Variants in ZNF652 observed in about 807,000 individuals in gnomAD.
ZNF652 encodes zinc finger protein 652.
In ZNF652, 16 loss-of-function variants were observed where a neutral mutation model predicts 45.2. The observed-to-expected ratio is 0.35, with a 90% CI of 0.24 to 0.54. ZNF652 has a LOEUF of 0.54. Among genes scored for constraint, ZNF652 ranks in the 20% least tolerant of loss-of-function variants. The pLI, the probability that ZNF652 is intolerant of heterozygous loss-of-function variation, is 0.91. For missense variants in ZNF652, 614 were observed against 765.6 expected, an observed-to-expected ratio of 0.80 and a Z score of 2.34; for synonymous variants, 250 against 260.6, an observed-to-expected ratio of 0.96 and a Z score of 0.39.
At chr17:49,344,372 A>T (rs1400437615) in intron 1 of ZNF652, among the ~76,000 whole-genome samples, 1 of 151,826 alleles carries the variant, frequency 6.6e-6, no homozygotes, top group African/African-American at 2.4e-5. Context: ...CTCAAAAAAC[A>T]AGAAAAAAAA....
In ZNF652 at chr17:49,295,049, T is replaced by G. The variant is rs2069453337; in HGVS notation, c.*3364A>C. ...GCATGTTAAACGTGTTGCACATATA[T>G]GTTTAAGGCTTAATCCTGCAGTTCT... On this transcript the variant is annotated 3_prime_UTR_variant, in exon 6 of 6. Coordinates refer to ENST00000430262, the MANE Select transcript of ZNF652 (RefSeq NM_001145365.3). 6.6e-6 allele frequency: 1 copy of G among 152,190 alleles called. No homozygotes were observed. Among genetic ancestry groups the G allele is most frequent in the Admixed American group, 6.5e-5 (1 of 15,282 alleles). The allele number at this position is 152,190 out of a possible 1,614,324, so 9.4% of individuals were successfully genotyped here.
chr17:49,336,670 A>C (rs2070085594), intron 1 of ZNF652, among the ~76,000 whole-genome samples: 1 of 147,736 alleles, frequency 6.8e-6, no homozygotes, highest in Non-Finnish European at 1.5e-5. Flanking sequence ...TCTGTCACCC[A>C]GGCTGGAGTA....
intron 1 of ZNF652, among the ~76,000 whole-genome samples, chr17:49,351,006 TATATATATACACACAC>T (rs2070271108): frequency 9.4e-5 from 2 of 21,290 alleles, no homozygotes; most frequent in Non-Finnish European, 1.8e-4. Context: ...TATATATATA[TATATATATACACACAC>T]ACACACACAC....
intron 1 of ZNF652, among the ~76,000 whole-genome samples, chr17:49,327,976 T>G (rs73324308): frequency 0.073 from 11,085 of 151,574 alleles, 472 homozygotes; most frequent in Middle Eastern, 0.14. Context: ...GAAACCAGAC[T>G]GCCTGCATTA....
chr17:49,344,231 G>A (rs117853079), intron 1 of ZNF652, among the ~76,000 whole-genome samples: 1 of 151,584 alleles, frequency 6.6e-6, no homozygotes, highest in Admixed American at 6.6e-5. Flanking sequence ...TAGGTATGGT[G>A]GTGCATGCCT....
chr17:49,298,702 G>A lies in ZNF652; in HGVS notation c.1532C>T (p.Ser511Phe). 1 of 1,614,072 alleles carries A rather than the reference G, an allele frequency of 6.2e-7. No individual in the cohort carries two copies. Among genetic ancestry groups the A allele is most frequent in the Non-Finnish European group, 8.5e-7 (1 of 1,180,024 alleles). The change falls in exon 6 of 6, where the codon TCC (serine) becomes TTC (phenylalanine). Residue 511 changes from serine (S) to phenylalanine (F), a missense_variant. Ser to Phe is a radical substitution (Grantham distance 155). Transcript: ENST00000430262. Reference sequence around the variant, plus strand: ...CACAGAAGGAACTGGGGTGGCTGGGGAAGTTGTAAGTGGGATCTGGACAGC... The same window carrying A: ...CACAGAAGGAACTGGGGTGGCTGGGAAAGTTGTAAGTGGGATCTGGACAGC... ...PPAVQIPLTT[S>F]PATPVPSVVN...
chr17:49,290,348 C>G lies in ZNF652; in HGVS notation c.*8065G>C, dbSNP rs2069388295. 1 of 152,220 alleles carries G rather than the reference C, an allele frequency of 6.6e-6. No individual in the cohort carries two copies. The highest frequency in any genetic ancestry group is 6.5e-5 in the Admixed American group (1 of 15,270). 9.4% of individuals were successfully genotyped at this position (152,220 alleles called of 1,614,324 possible). A position where few individuals can be genotyped will look rare whatever the true frequency, so the allele number is the denominator to read the frequency against. ...AACTCATGGCCAGAGAGCTGATGACCACGGATAGGAGCCCTTAGACAAGTA... is the reference window on the plus strand; with the variant it reads ...AACTCATGGCCAGAGAGCTGATGACGACGGATAGGAGCCCTTAGACAAGTA... On this transcript the variant is annotated 3_prime_UTR_variant, in exon 6 of 6. Coordinates refer to ENST00000430262, the MANE Select transcript of ZNF652 (RefSeq NM_001145365.3).
At position 49,307,435 on chromosome 17, in the gene ZNF652, GAAAAAAAAAAAAAA is replaced by G. The variant is rs1175854049; in HGVS notation, c.1309+3863_1309+3876del. 7.7e-3 allele frequency among the ~76,000 whole-genome samples: 310 copies of G among 40,488 alleles called. 4 individuals are homozygous for G. The highest frequency in any genetic ancestry group is 0.026 in the African/African-American group (271 of 10,386). The allele number at this position is 40,488 out of a possible 152,430, so 26.6% of individuals were successfully genotyped here. A position where few individuals can be genotyped will look rare whatever the true frequency, so the allele number is the denominator to read the frequency against. ...AACAGAGTGAGACTCTGTCTCAAAA[GAAAAAAAAAAAAAA>G]AAAAAAAAAAGGCCAGGCACAGTGG... On this transcript the variant is annotated intron_variant, in intron 5 of 5. Transcript: ENST00000430262.
chr17:49,359,875 CT>C (rs1446437763), intron 1 of ZNF652, among the ~76,000 whole-genome samples: 1 of 152,036 alleles, frequency 6.6e-6, no homozygotes. Context: ...AAAAAAAATC[CT>C]TTTTATGGAG....
chr17:49,346,315 C>T (rs1421680677), intron 1 of ZNF652, among the ~76,000 whole-genome samples: 1 of 152,218 alleles, frequency 6.6e-6, no homozygotes, highest in African/African-American at 2.4e-5. Flanking sequence ...CTTTGGGAGG[C>T]TGCAGTGGGC....
Position 49,311,369 on chromosome 17 carries a change from A to G in ZNF652, c.1252T>C (p.Cys418Arg). ...IGHKQFMCQWCGKDFNMKQYF... is the reference protein window; with the variant it reads ...IGHKQFMCQWRGKDFNMKQYF... ...TGCTTCATGTTGAAATCCTTGCCAC[A>G]CCACTGGCACATGAACTGTTTGTGC... Residue 418 changes from cysteine (C) to arginine (R), a missense_variant, in exon 5 of 6, where the codon TGT becomes CGT. Cys to Arg is a radical substitution (Grantham distance 180, BLOSUM62 -3). This residue lies in a region of ZNF652 where 81 missense variants were observed against 167.0 expected (regional missense o/e 0.48). Transcript: ENST00000430262. The G allele has an allele frequency of 6.2e-7, 1 of 1,614,126 alleles. No homozygotes were observed. The highest frequency in any genetic ancestry group is 1.1e-5 in the South Asian group (1 of 91,074).
At chr17:49,357,376 T>C (rs968750426) in intron 1 of ZNF652, among the ~76,000 whole-genome samples, 3 of 151,782 alleles carry the variant, frequency 2.0e-5, no homozygotes, top group Non-Finnish European at 2.9e-5. Flanking sequence ...GAACTACATA[T>C]ATAATCTACA....
chr17:49,308,697 G>C (rs943508299), intron 5 of ZNF652, among the ~76,000 whole-genome samples: 3 of 151,944 alleles, frequency 2.0e-5, no homozygotes, highest in Non-Finnish European at 4.4e-5. Context: ...AACTACTTGG[G>C]AGGTTGAGGC....
intron 1 of ZNF652, among the ~76,000 whole-genome samples, chr17:49,349,597 C>G (rs1567699488): frequency 6.6e-6 from 1 of 152,142 alleles, no homozygotes; most frequent in Non-Finnish European, 1.5e-5. Flanking sequence ...TTTCTCAGAG[C>G]AAGACATGAA....
intron 1 of ZNF652, among the ~76,000 whole-genome samples, chr17:49,340,284 G>A (rs779720430): frequency 4.6e-5 from 7 of 151,932 alleles, no homozygotes; most frequent in African/African-American, 1.5e-4. Flanking sequence ...AGCTGGGCAC[G>A]GTGGCTCACA....
At chr17:49,357,235 G>A (rs574458989) in intron 1 of ZNF652, among the ~76,000 whole-genome samples, 1 of 151,834 alleles carries the variant, frequency 6.6e-6, no homozygotes, top group African/African-American at 2.4e-5. Flanking sequence ...GGAGAAGGAG[G>A]TTGCAGTGAG....
At chr17:49,350,370 C>T (rs191901624) in intron 1 of ZNF652, among the ~76,000 whole-genome samples, 2 of 151,742 alleles carry the variant, frequency 1.3e-5, no homozygotes, top group Admixed American at 1.3e-4. Context: ...AAAATCCTGT[C>T]TCTACTAAAA....
At position 49,309,744 on chromosome 17, in the gene ZNF652, AC is replaced by A. The variant is rs561715331; in HGVS notation, c.1309+1567del. Among the ~76,000 whole-genome samples the A allele has an allele frequency of 2.1e-3, 318 of 152,258 alleles. 2 individuals carry two copies. The highest frequency in any genetic ancestry group is 7.3e-3 in the African/African-American group (305 of 41,552). On this transcript the variant is annotated intron_variant, in intron 5 of 5. Transcript: ENST00000430262. The stretch of plus-strand genomic sequence containing the variant: ...TCATTTTCTTTTCAGGTCTAATTTA[AC>A]TAATAAAACTGCTCTCATGACTCTT...
chr17:49,348,044 C>T (rs2070225217), intron 1 of ZNF652, among the ~76,000 whole-genome samples: 1 of 152,158 alleles, frequency 6.6e-6, no homozygotes, highest in South Asian at 2.1e-4. Flanking sequence ...CCACACCCTA[C>T]CAAACCTTAA....
Sources: allele counts gnomAD v4.1 joint callset (sites outside exome capture counted in the v4.1 genomes callset), GRCh38; gene constraint gnomAD v4.1.1; regional missense constraint gnomAD v4.1.1; transcripts MANE v1.5; gene names NCBI Gene and HGNC (gene_info 2026-07-23, HGNC 2026-07-21).